Variants in FABP12 observed in about 807,000 individuals in gnomAD.
FABP12 encodes fatty acid-binding protein 12.
Under a neutral mutation model 13.7 loss-of-function variants are expected in FABP12, and 19 were observed. The ratio of observed to expected loss-of-function variants is 1.39; its 90% CI spans 0.97 to 2.04. The LOEUF (loss-of-function observed/expected upper bound fraction) is 2.04. Among genes scored for constraint, FABP12 ranks in the 30% most tolerant of loss-of-function variants. The pLI, the probability that FABP12 is intolerant of heterozygous loss-of-function variation, is 0.00. For missense variants in FABP12, 182 were observed against 164.2 expected, an observed-to-expected ratio of 1.11 and a Z score of -0.59; for synonymous variants, 61 against 57.0, an observed-to-expected ratio of 1.07 and a Z score of -0.32.
At chr8:81,558,488 G>A (rs1809659990) in intron 1 of FABP12, among the ~76,000 whole-genome samples, 1 of 152,088 alleles carries the variant, frequency 6.6e-6, no homozygotes, top group Non-Finnish European at 1.5e-5. Context: ...TCTCTTCCAG[G>A]CTGCCGCAGT....
In FABP12 at chr8:81,557,362, C is replaced by T. The variant is rs562153136; in HGVS notation, c.-184-17619G>A. Among the ~76,000 whole-genome samples, 8 of 152,272 alleles carry T rather than the reference C, an allele frequency of 5.3e-5. No individual in the cohort carries two copies. The South Asian group carries it at 1.2e-3, about 24-fold the overall frequency. ...AATATTTTAAGACAGTTGGCATTTT[C>T]CCTTTAAGTATTTGTTATTTTTTCC... On this transcript the variant is annotated intron_variant, in intron 1 of 5. Coordinates refer to the FABP12 transcript ENST00000692030.
At chr8:81,530,173 G>A (rs1809028056) in intron 2 of FABP12, among the ~76,000 whole-genome samples, 1 of 152,064 alleles carries the variant, frequency 6.6e-6, no homozygotes, top group African/African-American at 2.4e-5. Flanking sequence ...TGTTGTGCAA[G>A]CATCACCATT....
chr8:81,529,638 C>T, intron 2 of FABP12, 28 bp from the exon 3 acceptor site: 1 of 1,588,752 alleles, frequency 6.3e-7, no homozygotes, highest in Non-Finnish European at 8.6e-7. Context: ...GGAGTATTAT[C>T]TTTTTGCATA....
intron 1 of FABP12, among the ~76,000 whole-genome samples, chr8:81,553,368 A>T (rs1007818515): frequency 9.9e-5 from 15 of 152,162 alleles, no homozygotes; most frequent in Non-Finnish European, 1.5e-5. Context: ...CTTGTTTTCA[A>T]CCTAACGAAG....
intron 1 of FABP12, among the ~76,000 whole-genome samples, chr8:81,558,515 C>T (rs563663037): frequency 1.4e-4 from 21 of 152,254 alleles, no homozygotes; most frequent in African/African-American, 4.6e-4. Flanking sequence ...GCCTGCTCCA[C>T]GTGAAGGCAG....
intron 2 of FABP12, among the ~76,000 whole-genome samples, chr8:81,530,190 A>T (rs1325504484): frequency 1.3e-5 from 2 of 152,310 alleles, no homozygotes; most frequent in East Asian, 3.9e-4. Flanking sequence ...CATTATTTAT[A>T]GGATTTTAAA....
chr8:81,526,902 A>T, intron 4 of FABP12, 118 bp downstream of exon 4: 5 of 612,640 alleles, frequency 8.2e-6, no homozygotes, highest in South Asian at 4.7e-5. Flanking sequence ...TTTTTTTCTC[A>T]TTCTTTAAAC....
chr8:81,544,820 A>G (rs1228084348), intron 1 of FABP12, among the ~76,000 whole-genome samples: 1 of 152,266 alleles, frequency 6.6e-6, no homozygotes, highest in Admixed American at 6.5e-5. Flanking sequence ...GACCTGTTCA[A>G]GTGCTAAAAT....
At chr8:81,566,250 TA>T (rs1288687553) in intron 1 of FABP12, among the ~76,000 whole-genome samples, 2 of 152,044 alleles carry the variant, frequency 1.3e-5, no homozygotes, top group Non-Finnish European at 2.9e-5. Context: ...AAAGAAGAAC[TA>T]ATACCAATTC....
At chr8:81,550,279 A>G (rs1809503539) in intron 1 of FABP12, among the ~76,000 whole-genome samples, 1 of 152,228 alleles carries the variant, frequency 6.6e-6, no homozygotes, top group Non-Finnish European at 1.5e-5. Context: ...TTTTTAAATG[A>G]TGTCTCAAAA....
intron 1 of FABP12, among the ~76,000 whole-genome samples, chr8:81,582,293 T>C (rs1810176346): frequency 6.6e-6 from 1 of 151,856 alleles, no homozygotes; most frequent in Non-Finnish European, 1.5e-5. Context: ...TGGCTAATTT[T>C]TGTATTTTTA....
chr8:81,576,745 C>T (rs1018599928), intron 1 of FABP12, among the ~76,000 whole-genome samples: 1 of 152,040 alleles, frequency 6.6e-6, no homozygotes, highest in Non-Finnish European at 1.5e-5. Context: ...GGCTTAAAAC[C>T]ACAAAGTTTT....
chr8:81,529,427 G>A lies in FABP12; in HGVS notation c.246+11C>T, dbSNP rs745665212. ...TTTGAAATGTGTCTGAAAGACTGTC[G>A]TAGGCCTCACCTTTGTTTTGTGGCC... On this transcript the variant is annotated intron_variant, in intron 3 of 4. Coordinates refer to ENST00000360464, the Ensembl canonical transcript of FABP12. The A allele has an allele frequency of 1.3e-5, 21 of 1,612,778 alleles. No homozygotes were observed. Among genetic ancestry groups the A allele is most frequent in the African/African-American group, 1.2e-4 (9 of 74,904 alleles).
At chr8:81,575,799 T>C (rs1195102202) in intron 1 of FABP12, among the ~76,000 whole-genome samples, 1 of 152,190 alleles carries the variant, frequency 6.6e-6, no homozygotes, top group Non-Finnish European at 1.5e-5. Context: ...AGTGGCAGCA[T>C]TAGATTCTTA....
At chr8:81,575,719 T>C (rs562734368) in intron 1 of FABP12, among the ~76,000 whole-genome samples, 1 of 152,340 alleles carries the variant, frequency 6.6e-6, no homozygotes, top group Non-Finnish European at 1.5e-5. Flanking sequence ...TCCCTCTTTG[T>C]CTCTTTTAAC....
At chr8:81,536,409 C>T (rs1809223071), upstream of FABP12, among the ~76,000 whole-genome samples, 1 of 152,198 alleles carries the variant, frequency 6.6e-6, no homozygotes, top group Admixed American at 6.5e-5. Flanking sequence ...GCAAGATTTT[C>T]CAGTCTTTTG....
At chr8:81,540,646 G>A (rs1809320445) in intron 1 of FABP12, among the ~76,000 whole-genome samples, 1 of 152,198 alleles carries the variant, frequency 6.6e-6, no homozygotes, top group Non-Finnish European at 1.5e-5. Flanking sequence ...AATGCAATGT[G>A]GGATCCCAAA....
chr8:81,552,605 G>C (rs1054388743), intron 1 of FABP12, among the ~76,000 whole-genome samples: 2 of 152,158 alleles, frequency 1.3e-5, no homozygotes, highest in African/African-American at 4.8e-5. Flanking sequence ...ATGAGGTAAA[G>C]AACACTGGAT....
intron 1 of FABP12, among the ~76,000 whole-genome samples, chr8:81,587,053 C>A: frequency 6.6e-6 from 1 of 152,166 alleles, no homozygotes; most frequent in Non-Finnish European, 1.5e-5. Context: ...ACAGGGAGCC[C>A]TTTCCCCACT....
Sources: gnomAD v4.1 joint callset for allele counts (sites outside exome capture counted in the v4.1 genomes callset) on GRCh38, gnomAD v4.1.1 for gene constraint, MANE v1.5 for transcripts, NCBI Gene and HGNC (gene_info 2026-07-23, HGNC 2026-07-21) for gene names.